FNTB: variants seen among roughly 807,000 people sequenced by gnomAD.
The protein encoded by FNTB is protein farnesyltransferase subunit beta.
In FNTB, 27 loss-of-function variants were observed where a neutral mutation model predicts 59.4. The ratio of observed to expected loss-of-function variants is 0.45; its 90% CI spans 0.34 to 0.63. The LOEUF is 0.63. Among genes scored for constraint, FNTB ranks in the 20% least tolerant of loss-of-function variants. FNTB has a pLI of 0.02. For synonymous variants in FNTB, 230 were observed against 220.7 expected, an observed-to-expected ratio of 1.04 and a Z score of -0.37; for missense variants, 449 against 559.6, an observed-to-expected ratio of 0.80 and a Z score of 1.99.
chr14:64,989,649 GGAA>G (rs1888107725), intron 1 of FNTB, among the ~76,000 whole-genome samples: 1 of 152,148 alleles, frequency 6.6e-6, no homozygotes, highest in South Asian at 2.1e-4. Context: ...TATAAATAGT[GGAA>G]GGAGTCCTTA....
chr14:65,031,694 G>T lies in FNTB; in HGVS notation c.606-916G>T, dbSNP rs1361788956. Among the ~76,000 whole-genome samples the T allele has an allele frequency of 6.6e-6, 1 of 152,116 alleles. No individual in the cohort carries two copies. The highest frequency in any genetic ancestry group is 2.4e-5 in the African/African-American group (1 of 41,452). On this transcript the variant is annotated intron_variant, in intron 6 of 11. Transcript: ENST00000246166. This position sits in a 1 kb window ranked among gnomAD's most constrained non-coding sequence, Gnocchi z 4.6. ...CCAGCACTTTGGGAGGCCAAGGCAG[G>T]TGGATTGCTTGAGGTCAGGAGTTTG...
At position 65,061,244 on chromosome 14, in the gene FNTB, C is replaced by G. The variant is rs369004788; in HGVS notation, c.1246C>G (p.Leu416Val). The G allele has an allele frequency of 3.7e-6, 6 of 1,614,188 alleles. No individual in the cohort carries two copies. The African/African-American group carries it at 5.3e-5, about 14-fold the overall frequency. ...DKVIQATTYF[L>V]QKPVPGFEEL... ...GGTGATCCAGGCCACTACATACTTT[C>G]TACAGAAGCCAGTCCCAGGTTTTGA... Residue 416 changes from leucine to valine, a missense_variant, in exon 12 of 12, where the codon CTA becomes GTA. By Grantham distance (32) the Leu-to-Val change is conservative (BLOSUM62 1). Transcript: ENST00000246166.
At chr14:65,025,086 C>T (rs73268798) in intron 4 of FNTB, among the ~76,000 whole-genome samples, 1,580 of 152,232 alleles carry the variant, frequency 0.01, 25 homozygotes, top group East Asian at 0.082. Context: ...TTCTGTAATA[C>T]GGAAGTGTCT....
At position 65,012,428 on chromosome 14, in the gene FNTB, C is replaced by A; in HGVS notation, c.282+39C>A. On this transcript the variant is annotated intron_variant, in intron 3 of 11. Transcript: ENST00000246166. This position sits in a 1 kb window ranked among gnomAD's most constrained non-coding sequence, Gnocchi z 5.0. ...CCAGGAACTCTTGCTGTCAAATTATCCACCAAATCCTCCTCCTTTTTCTAT... is the reference window on the plus strand; with the variant it reads ...CCAGGAACTCTTGCTGTCAAATTATACACCAAATCCTCCTCCTTTTTCTAT... The A allele has an allele frequency of 6.2e-7, 1 of 1,611,928 alleles. No homozygotes were observed. The highest frequency in any genetic ancestry group is 8.5e-7 in the Non-Finnish European group (1 of 1,178,158).
chr14:65,038,708 ACT>A (rs919984140), intron 7 of FNTB, among the ~76,000 whole-genome samples: 17 of 152,110 alleles, frequency 1.1e-4, no homozygotes, highest in African/African-American at 3.6e-4. Context: ...TCAGAGCGAG[ACT>A]CTGTCTCAAA....
At chr14:65,046,278 A>G (rs931544443) in intron 9 of FNTB, among the ~76,000 whole-genome samples, 1 of 152,188 alleles carries the variant, frequency 6.6e-6, no homozygotes, top group African/African-American at 2.4e-5. Flanking sequence ...GCCTGGCCCA[A>G]CATTTCTAAG....
chr14:65,044,788 G>T lies in FNTB; in HGVS notation c.955+345G>T. ...CTGTGGTGATTGCCACCTCCTCTGG[G>T]TGCAGGGCAGAGCTGAAAACCCTCA... is the stretch of plus-strand genomic sequence containing the variant. On this transcript the variant is annotated intron_variant, in intron 9 of 11. Transcript: ENST00000246166. The surrounding 1 kb of genome is among the most constrained non-coding windows in gnomAD (Gnocchi z 5.5). The T allele has an allele frequency of 3.9e-6, 1 of 253,496 alleles. No individual in the cohort carries two copies. Among genetic ancestry groups the T allele is most frequent in the Non-Finnish European group, 7.5e-6 (1 of 132,630 alleles). The allele number at this position is 253,496 out of a possible 1,614,324, so 15.7% of individuals were successfully genotyped here.
At chr14:65,058,281 T>C (rs1470569275) in intron 11 of FNTB, among the ~76,000 whole-genome samples, 1 of 152,060 alleles carries the variant, frequency 6.6e-6, no homozygotes, top group South Asian at 2.1e-4. Context: ...GTTAGAGTTA[T>C]GTCTAATTTA....
At position 65,029,984 on chromosome 14, in the gene FNTB, A is replaced by G. The variant is rs1234972926; in HGVS notation, c.605+2203A>G. 3.3e-5 allele frequency among the ~76,000 whole-genome samples: 5 copies of G among 152,170 alleles called. No individual in the cohort carries two copies. The highest frequency in any genetic ancestry group is 7.3e-5 in the Non-Finnish European group (5 of 68,032). ...GATGGAAAGTTAGTGGACAAATTCAAATTTGAGAGCTGCGATGACTGGGTG... is the reference window on the plus strand; with the variant it reads ...GATGGAAAGTTAGTGGACAAATTCAGATTTGAGAGCTGCGATGACTGGGTG... On this transcript the variant is annotated intron_variant, in intron 6 of 11. Coordinates refer to ENST00000246166, the MANE Select transcript of FNTB (RefSeq NM_002028.4). The surrounding 1 kb of genome is among the most constrained non-coding windows in gnomAD (Gnocchi z 4.7).
chr14:65,022,570 T>C (rs2061908998), intron 4 of FNTB, among the ~76,000 whole-genome samples: 1 of 152,160 alleles, frequency 6.6e-6, no homozygotes, highest in Admixed American at 6.5e-5. Context: ...TCTCGCTGTA[T>C]TGCCTAAGCT....
intron 1 of FNTB, among the ~76,000 whole-genome samples, chr14:64,988,275 G>A (rs1337993728): frequency 6.6e-6 from 1 of 152,114 alleles, no homozygotes; most frequent in Non-Finnish European, 1.5e-5. Flanking sequence ...CTCCAGGTTG[G>A]TTTGCCTACC....
At position 65,008,284 on chromosome 14, in the gene FNTB, C is replaced by G. The variant is rs139200459; in HGVS notation, c.209+3971C>G. 2.4e-3 allele frequency among the ~76,000 whole-genome samples: 361 copies of G among 152,270 alleles called. 2 individuals are homozygous for G. The highest frequency in any genetic ancestry group is 8.2e-3 in the African/African-American group (342 of 41,534). ...TCAAATGCATGTTTTCCAGGATGGC[C>G]CAGGTTTGGGGGGAGGAAGTGGCTT... On this transcript the variant is annotated intron_variant, in intron 2 of 11. Coordinates refer to ENST00000246166, the MANE Select transcript of FNTB (RefSeq NM_002028.4).
Position 65,039,122 on chromosome 14 carries a change from A to G in FNTB, c.693-1668A>G, listed in dbSNP as rs542623225. Among the ~76,000 whole-genome samples, 7 of 152,308 alleles carry G rather than the reference A, an allele frequency of 4.6e-5. No homozygotes were observed. The South Asian group carries it at 1.2e-3, about 27-fold the overall frequency. ...TTCATATTTAAGGATCCAGCACTGA[A>G]AAGCTGCTGGGGAGCTCTGCGAGAG... On this transcript the variant is annotated intron_variant, in intron 7 of 11. Transcript: ENST00000246166.
At chr14:65,000,967 C>T (rs1376961377) in intron 1 of FNTB, among the ~76,000 whole-genome samples, 1 of 151,948 alleles carries the variant, frequency 6.6e-6, no homozygotes, top group Non-Finnish European at 1.5e-5. Context: ...ATCACAAATT[C>T]CAGGAACATG....
intron 2 of FNTB, among the ~76,000 whole-genome samples, chr14:65,010,958 C>A (rs1189874288): frequency 6.6e-6 from 1 of 152,208 alleles, no homozygotes; most frequent in Non-Finnish European, 1.5e-5. Flanking sequence ...CAGGGCCACT[C>A]ATCGCACATT....
At chr14:65,002,710 A>C (rs535487171) in intron 1 of FNTB, among the ~76,000 whole-genome samples, 1 of 152,290 alleles carries the variant, frequency 6.6e-6, no homozygotes, top group East Asian at 1.9e-4. Context: ...AGAATCCTCA[A>C]ATCCCTCCTT....
intron 1 of FNTB, among the ~76,000 whole-genome samples, chr14:64,992,820 C>T (rs1205211879): frequency 6.6e-6 from 1 of 151,872 alleles, no homozygotes; most frequent in African/African-American, 2.4e-5. Context: ...AACTTAACCA[C>T]TTTATTACTT....
Position 65,061,460 on chromosome 14 carries a change from C to A in FNTB, c.*148C>A. On this transcript the variant is annotated 3_prime_UTR_variant, in exon 12 of 12. Transcript: ENST00000246166. ...TTGGTACTTTCTTGTCAAACAAAACCAATGGCTCTGGGTTTGGAGAACACA... is the reference window on the plus strand; with the variant it reads ...TTGGTACTTTCTTGTCAAACAAAACAAATGGCTCTGGGTTTGGAGAACACA... 1 of 1,337,760 alleles carries A rather than the reference C, an allele frequency of 7.5e-7. No individual in the cohort carries two copies. The highest frequency in any genetic ancestry group is 9.9e-7 in the Non-Finnish European group (1 of 1,011,398). The allele number at this position is 1,337,760 out of a possible 1,614,324, so 82.9% of individuals were successfully genotyped here.
intron 1 of FNTB, among the ~76,000 whole-genome samples, chr14:65,000,264 A>G (rs895866542): frequency 6.6e-6 from 1 of 152,234 alleles, no homozygotes; most frequent in Non-Finnish European, 1.5e-5. Flanking sequence ...GGTCTTCCAT[A>G]TCCGTGGGTT....
Sources: allele counts gnomAD v4.1 joint callset (sites outside exome capture counted in the v4.1 genomes callset), GRCh38; gene constraint gnomAD v4.1.1; non-coding constraint Gnocchi (gnomAD v3.1); transcripts MANE v1.5; gene names NCBI Gene and HGNC (gene_info 2026-07-23, HGNC 2026-07-21).